PTPRM: variants seen among roughly 807,000 people sequenced by gnomAD.
The protein encoded by PTPRM is receptor-type tyrosine-protein phosphatase mu.
In PTPRM, 47 loss-of-function variants were observed where a neutral mutation model predicts 186.7. The ratio of observed to expected loss-of-function variants is 0.25; its 90% confidence interval spans 0.20 to 0.32. The LOEUF is 0.32. PTPRM is among the 10% of genes least tolerant of loss of function. PTPRM has a pLI of 1.00. For missense variants in PTPRM, 1,494 were observed against 1,865.0 expected (o/e 0.80, Z 3.66); for synonymous variants, 668 against 674.9 (o/e 0.99, Z 0.16).
chr18:7,799,852 C>T lies in PTPRM; in HGVS notation c.196+25581C>T, dbSNP rs189279668. ...TAATTTTTATATGCATATATAACAT[C>T]CTTATTTTGTTCCTGATCTTAAAAG... On this transcript the variant is annotated intron_variant, in intron 2 of 32. Transcript: ENST00000580170. Among the ~76,000 whole-genome samples, 3 of 152,156 alleles carry T rather than the reference C, an allele frequency of 2.0e-5. No individual in the cohort carries two copies. The East Asian group carries it at 5.8e-4, about 29-fold the overall frequency.
chr18:7,620,028 T>A (rs1360249485), intron 1 of PTPRM, among the ~76,000 whole-genome samples: 1 of 152,150 alleles, frequency 6.6e-6, no homozygotes. Flanking sequence ...TTGTGATTGT[T>A]ACTGCAGCAT....
chr18:8,166,159 G>T (rs2093320736), intron 14 of PTPRM, among the ~76,000 whole-genome samples: 2 of 152,160 alleles, frequency 1.3e-5, no homozygotes, highest in South Asian at 4.1e-4. Context: ...TCCTATCTAT[G>T]GGAGTGCCTT....
chr18:8,253,217 CT>C lies in PTPRM; in HGVS notation c.2567-6del. ...TCTCCCTCATTTTCTCCCTGGCCTT[CT>C]TTTCCTAGATGAAACCCACACAATG... is the stretch of plus-strand genomic sequence containing the variant. On this transcript the variant is annotated splice_polypyrimidine_tract_variant and intron_variant, in intron 18 of 32. Coordinates refer to ENST00000580170, the MANE Select transcript of PTPRM (RefSeq NM_001105244.2). 2 of 1,418,422 alleles carry C rather than the reference CT, an allele frequency of 1.4e-6. No homozygotes were observed. The highest frequency in any genetic ancestry group is 1.7e-5 in the South Asian group (1 of 60,586). 87.9% of individuals were successfully genotyped at this position (1,418,422 alleles called of 1,614,324 possible). A position where few individuals can be genotyped will look rare whatever the true frequency, so the allele number is the denominator to read the frequency against.
At chr18:7,953,051 G>A (rs1222163154) in intron 6 of PTPRM, among the ~76,000 whole-genome samples, 1 of 152,190 alleles carries the variant, frequency 6.6e-6, no homozygotes, top group Non-Finnish European at 1.5e-5. Context: ...TGATTCTTCT[G>A]TAAACCAAAA....
At chr18:7,926,416 G>A in intron 4 of PTPRM, 152 bp from the exon 5 acceptor site, 1 of 473,640 alleles carries the variant, frequency 2.1e-6, no homozygotes, top group Non-Finnish European at 3.7e-6. Flanking sequence ...AAAAATTATA[G>A]TTAAATCTTT....
intron 1 of PTPRM, among the ~76,000 whole-genome samples, chr18:7,733,824 C>T (rs1396233298): frequency 1.3e-5 from 2 of 152,166 alleles, no homozygotes; most frequent in Admixed American, 6.5e-5. Context: ...CCCCATTCCC[C>T]CAGTGCATGT....
intron 11 of PTPRM, among the ~76,000 whole-genome samples, chr18:8,108,599 A>G (rs2091624933): frequency 6.6e-6 from 1 of 152,230 alleles, no homozygotes; most frequent in Non-Finnish European, 1.5e-5. Context: ...TTGAACTTTC[A>G]AGTCTAAAAA....
intron 2 of PTPRM, among the ~76,000 whole-genome samples, chr18:7,777,753 A>G (rs2145026677): frequency 6.6e-6 from 1 of 152,334 alleles, no homozygotes; most frequent in Admixed American, 6.5e-5. Context: ...TTCCTCTATC[A>G]TTGCCTTAAA....
At chr18:7,908,602 C>G (rs949582607) in intron 4 of PTPRM, among the ~76,000 whole-genome samples, 1 of 152,158 alleles carries the variant, frequency 6.6e-6, no homozygotes, top group Non-Finnish European at 1.5e-5. Context: ...GCTTGCCAAA[C>G]ATTGAAGTTA....
chr18:8,279,741 G>A (rs1227213163), intron 19 of PTPRM, among the ~76,000 whole-genome samples: 1 of 148,072 alleles, frequency 6.8e-6, no homozygotes, highest in Non-Finnish European at 1.5e-5. Context: ...GAGATTGTCT[G>A]TGTGTATCCA....
chr18:8,206,717 C>CA (rs1389342091), intron 14 of PTPRM, among the ~76,000 whole-genome samples: 1 of 152,096 alleles, frequency 6.6e-6, no homozygotes, highest in African/African-American at 2.4e-5. Context: ...TAATAAGCAA[C>CA]AAAATGGAAA....
chr18:7,981,521 T>C (rs2082550204), intron 7 of PTPRM, among the ~76,000 whole-genome samples: 3 of 152,174 alleles, frequency 2.0e-5, no homozygotes, highest in African/African-American at 7.2e-5. Flanking sequence ...CCAACCCCTA[T>C]ACTTTTCCCA....
chr18:7,947,664 A>T (rs1048081537), intron 5 of PTPRM, among the ~76,000 whole-genome samples: 2 of 151,976 alleles, frequency 1.3e-5, no homozygotes, highest in African/African-American at 4.8e-5. Context: ...CGTTTCCTAT[A>T]ACTAGAATGC....
In PTPRM at chr18:8,387,253, C is replaced by T. The variant is rs1161366603; in HGVS notation, c.4208+18C>T. The stretch of plus-strand genomic sequence containing the variant: ...CACTGCTTGTAAGTGCTTGACAGAG[C>T]TCTTCATTTCAGAACAGCGAGGCCC... On this transcript the variant is annotated intron_variant, in intron 31 of 32. Coordinates refer to ENST00000580170, the MANE Select transcript of PTPRM (RefSeq NM_001105244.2). The T allele has an allele frequency of 6.2e-7, 1 of 1,608,280 alleles. No individual in the cohort carries two copies. Among genetic ancestry groups the T allele is most frequent in the Admixed American group, 1.7e-5 (1 of 59,794 alleles).
At chr18:8,318,153 G>A (rs919602110) in intron 21 of PTPRM, among the ~76,000 whole-genome samples, 1 of 151,892 alleles carries the variant, frequency 6.6e-6, no homozygotes, top group African/African-American at 2.4e-5. Flanking sequence ...TTTGGGCATG[G>A]TATTTTGGGC....
chr18:7,888,261 G>A lies in PTPRM; in HGVS notation c.352G>A (p.Val118Met), dbSNP rs1278067890. ...NSPPGLLNVY[V>M]KVNNGPLGNP... ...TCCTCCGGGGTTACTCAATGTCTAC[G>A]TGAAGGTCAATAACGGGCCACTGGG... The change falls in exon 3 of 33, where the codon GTG (valine) becomes ATG (methionine). Residue 118 changes from valine (V) to methionine (M), a missense_variant. Around this residue, in one of 3 missense-constraint regions of PTPRM, gnomAD observed 296 missense variants for 345.5 expected, o/e 0.86. Coordinates refer to ENST00000580170, the MANE Select transcript of PTPRM (RefSeq NM_001105244.2). 2.5e-6 allele frequency: 4 copies of A among 1,614,116 alleles called. No homozygotes were observed. Among genetic ancestry groups the A allele is most frequent in the African/African-American group, 1.3e-5 (1 of 75,020 alleles).
intron 19 of PTPRM, among the ~76,000 whole-genome samples, chr18:8,280,520 C>A (rs1358612914): frequency 6.6e-6 from 1 of 152,152 alleles, no homozygotes; most frequent in East Asian, 1.9e-4. Context: ...CTGGGCAAGG[C>A]ATCAGCCTCA....
intron 2 of PTPRM, among the ~76,000 whole-genome samples, chr18:7,782,207 G>A (rs1412699104): frequency 6.6e-6 from 1 of 152,180 alleles, no homozygotes; most frequent in Non-Finnish European, 1.5e-5. Context: ...TTCCATGTGC[G>A]TGGACACCAT....
intron 5 of PTPRM, 28 bp downstream of exon 5, chr18:7,926,711 TGA>T (rs1305050449): frequency 6.4e-7 from 1 of 1,564,446 alleles, no homozygotes. Context: ...CATCAGTTGA[TGA>T]GAGTCCAGCG....
Sources: allele counts gnomAD v4.1 joint callset (sites outside exome capture counted in the v4.1 genomes callset), GRCh38; gene constraint gnomAD v4.1.1; regional missense constraint gnomAD v4.1.1; transcripts MANE v1.5; gene names NCBI Gene and HGNC (gene_info 2026-07-23, HGNC 2026-07-21).